ADD2: variants seen among roughly 807,000 people sequenced by gnomAD.
ADD2 encodes adducin 2.
Under a neutral mutation model 83.0 loss-of-function variants are expected in ADD2, and 23 were observed. The ratio of observed to expected loss-of-function variants is 0.28; its 90% confidence interval spans 0.20 to 0.39. ADD2 has a LOEUF of 0.39. Ranked by LOEUF, ADD2 falls within the 10% of genes least tolerant of loss-of-function variation. The pLI, the probability that ADD2 is intolerant of heterozygous loss-of-function variation, is 1.00. For missense variants in ADD2, 758 were observed against 944.9 expected, an observed-to-expected ratio of 0.80 and a Z score of 2.59; for synonymous variants, 375 against 375.4, an observed-to-expected ratio of 1.00 and a Z score of 0.01.
chr2:70,729,395 G>A (rs762024424), intron 1 of ADD2, among the ~76,000 whole-genome samples: 2 of 152,076 alleles, frequency 1.3e-5, no homozygotes, highest in Non-Finnish European at 2.9e-5. Flanking sequence ...CATTACCTGC[G>A]TAAATTTTCT....
At chr2:70,723,028 G>A (rs2104443085) in intron 1 of ADD2, among the ~76,000 whole-genome samples, 1 of 152,294 alleles carries the variant, frequency 6.6e-6, no homozygotes, top group East Asian at 1.9e-4. Flanking sequence ...CTATGGTGGG[G>A]AGGAGGTAAT....
chr2:70,754,817 C>A (rs1257701578), intron 1 of ADD2, among the ~76,000 whole-genome samples: 1 of 152,164 alleles, frequency 6.6e-6, no homozygotes, highest in Non-Finnish European at 1.5e-5. Context: ...CTCTGACCAT[C>A]CCCTTCCAGC....
At position 70,761,227 on chromosome 2, in the gene ADD2, CT is replaced by C. The variant is rs61106669; in HGVS notation, c.-154+6658del. Among the ~76,000 whole-genome samples the C allele has an allele frequency of 3.5e-3, 507 of 146,648 alleles. 1 individual carries two copies. The highest frequency in any genetic ancestry group is 0.011 in the South Asian group (49 of 4,610). On this transcript the variant is annotated intron_variant, in intron 1 of 15. Coordinates refer to ENST00000264436, the MANE Select transcript of ADD2 (RefSeq NM_001617.4). ...TTCTGGAAAGCAAAAGCATGCATTA[CT>C]TTTTTTTTTTTTTAAAGACAATAAT...
intron 8 of ADD2, among the ~76,000 whole-genome samples, chr2:70,689,855 A>C (rs1670937632): frequency 6.6e-6 from 1 of 152,198 alleles, no homozygotes; most frequent in Non-Finnish European, 1.5e-5. Flanking sequence ...CTAGTGGAAA[A>C]ATAAAGGCGA....
At chr2:70,683,387 T>TG (rs1670559060) in intron 10 of ADD2, among the ~76,000 whole-genome samples, 1 of 152,294 alleles carries the variant, frequency 6.6e-6, no homozygotes, top group African/African-American at 2.4e-5. Flanking sequence ...CACTTAGTTG[T>TG]GGGTGGCAAA....
Position 70,658,493 on chromosome 2 carries a change from AC to A in ADD2, c.*4931del, listed in dbSNP as rs1553364472. The A allele has an allele frequency of 1.3e-5, 2 of 152,206 alleles. No individual in the cohort carries two copies. The highest frequency in any genetic ancestry group is 2.9e-5 in the Non-Finnish European group (2 of 68,044). The allele number at this position is 152,206 out of a possible 1,614,324, so 9.4% of individuals were successfully genotyped here. On this transcript the variant is annotated 3_prime_UTR_variant, in exon 16 of 16. Coordinates refer to ENST00000264436, the MANE Select transcript of ADD2 (RefSeq NM_001617.4). The stretch of plus-strand genomic sequence containing the variant: ...ACAGGCCTCTTACTTCTTGCATTAA[AC>A]TATCCCTTTCAGAACAGATGTGAAA...
At position 70,690,881 on chromosome 2, in the gene ADD2, G is replaced by A; in HGVS notation, c.754C>T (p.Leu252=). The A allele has an allele frequency of 6.2e-7, 1 of 1,614,068 alleles. No individual in the cohort carries two copies. Among genetic ancestry groups the A allele is most frequent in the African/African-American group, 1.3e-5 (1 of 75,048 alleles). ...TCATAATAGGCCATGTCCCCCACCA[G>A]CAGGGCATTGTGGGAGACAGGCAGG... is the stretch of plus-strand genomic sequence containing the variant. ...GLLPVSHNAL[L]VGDMAYYDFN... Residue 252 remains leucine, a synonymous_variant, in exon 8 of 16, where the codon CTG becomes TTG. Transcript: ENST00000264436.
At chr2:70,724,673 G>T (rs776512775) in intron 1 of ADD2, among the ~76,000 whole-genome samples, 22 of 152,232 alleles carry the variant, frequency 1.4e-4, no homozygotes, top group African/African-American at 3.9e-4. Flanking sequence ...CCCCTCTCAA[G>T]GCTGCAGGAC....
chr2:70,726,853 G>C (rs1014592), intron 1 of ADD2, among the ~76,000 whole-genome samples: 103,325 of 152,048 alleles, frequency 0.68, 36,775 homozygotes, highest in East Asian at 0.9. Context: ...GCTGGTCTAC[G>C]AAATCCAACA....
chr2:70,695,593 T>C, intron 6 of ADD2, 128 bp downstream of exon 6: 1 of 798,370 alleles, frequency 1.3e-6, no homozygotes, highest in South Asian at 1.7e-5. Context: ...ATGTGTCTTC[T>C]CTGCCCTATC....
chr2:70,755,943 C>T (rs977896716), intron 1 of ADD2, among the ~76,000 whole-genome samples: 12 of 151,808 alleles, frequency 7.9e-5, no homozygotes, highest in African/African-American at 2.7e-4. Context: ...CCTGTAACCC[C>T]AGGTACTTGG....
intron 15 of ADD2, among the ~76,000 whole-genome samples, chr2:70,667,085 T>A (rs943309439): frequency 1.3e-5 from 2 of 152,194 alleles, no homozygotes; most frequent in African/African-American, 2.4e-5. Flanking sequence ...AAAACCAGGC[T>A]GGGAGAGGCC....
intron 4 of ADD2, 58 bp downstream of exon 4, chr2:70,704,263 T>TGGCCCCCCCCCCCCCCCCCCCCCCCCCCC: frequency 4.4e-6 from 4 of 913,234 alleles, no homozygotes; most frequent in Non-Finnish European, 6.8e-6. Context: ...CTCCCTCTCT[T>TGGCCCCCCCCCCCCCCCCCCCCCCCCCCC]CCCCACCCCA....
intron 14 of ADD2, 150 bp downstream of exon 14, chr2:70,674,528 C>A (rs1670039235): frequency 2.4e-6 from 2 of 835,850 alleles, no homozygotes; most frequent in East Asian, 5.3e-5. Flanking sequence ...CTGTCAGGAA[C>A]AGAGCAATGA....
At chr2:70,702,893 G>A (rs1453796588) in intron 4 of ADD2, among the ~76,000 whole-genome samples, 8 of 152,114 alleles carry the variant, frequency 5.3e-5, no homozygotes, top group Non-Finnish European at 7.3e-5. Context: ...TTGGGAGACC[G>A]GGGTGGGTGG....
chr2:70,714,634 G>A (rs1353912412), intron 1 of ADD2, among the ~76,000 whole-genome samples: 1 of 152,186 alleles, frequency 6.6e-6, no homozygotes, highest in African/African-American at 2.4e-5. Context: ...TTCTCCCAGA[G>A]GTTCTATTTT....
chr2:70,681,349 C>G (rs1412553076), intron 10 of ADD2, among the ~76,000 whole-genome samples: 1 of 152,174 alleles, frequency 6.6e-6, no homozygotes, highest in African/African-American at 2.4e-5. Context: ...CCCTACCCAC[C>G]AAACTATCTT....
chr2:70,707,534 G>T (rs1015861864), intron 2 of ADD2, among the ~76,000 whole-genome samples: 1 of 126,220 alleles, frequency 7.9e-6, no homozygotes, highest in Non-Finnish European at 1.6e-5. Flanking sequence ...TGCAGTTCCG[G>T]GCTTCACTTC....
intron 15 of ADD2, among the ~76,000 whole-genome samples, chr2:70,668,178 C>G (rs1395638147): frequency 2.0e-5 from 3 of 152,132 alleles, no homozygotes; most frequent in Non-Finnish European, 4.4e-5. Flanking sequence ...TACTCTTCAG[C>G]CTCCATAATC....
Sources: gnomAD v4.1 joint callset for allele counts (sites outside exome capture counted in the v4.1 genomes callset) on GRCh38, gnomAD v4.1.1 for gene constraint, MANE v1.5 for transcripts, NCBI Gene and HGNC (gene_info 2026-07-23, HGNC 2026-07-21) for gene names.